CCNY: variants seen among roughly 807,000 people sequenced by gnomAD.
CCNY encodes cyclin-Y.
CCNY carries 19 observed loss-of-function variants against 42.8 expected under a neutral mutation model. The observed-to-expected ratio is 0.44, with a 90% CI of 0.31 to 0.65. CCNY has a LOEUF of 0.65. Among genes scored for constraint, CCNY ranks in the 30% least tolerant of loss-of-function variants. The pLI is 0.07. For missense variants in CCNY, 370 were observed against 437.3 expected (o/e 0.85, Z 1.37); for synonymous variants, 165 against 162.7 (o/e 1.01, Z -0.11).
intron 1 of CCNY, among the ~76,000 whole-genome samples, chr10:35,373,559 T>A (rs1169746440): frequency 3.3e-5 from 5 of 152,188 alleles, no homozygotes; most frequent in African/African-American, 4.8e-5. Flanking sequence ...ATGGATTTTC[T>A]TATGCCTCTG....
intron 1 of CCNY, among the ~76,000 whole-genome samples, chr10:35,362,905 G>A (rs140764988): frequency 1.6e-3 from 248 of 151,570 alleles, no homozygotes; most frequent in Middle Eastern, 0.014. Flanking sequence ...CCCAGATAGG[G>A]CGGCAGCCGG....
Position 35,251,589 on chromosome 10 carries a change from CT to C in CCNY, c.-9+980del, listed in dbSNP as rs34197441. Among the ~76,000 whole-genome samples the C allele has an allele frequency of 5.0e-3, 701 of 139,302 alleles. 4 individuals are homozygous for C. The highest frequency in any genetic ancestry group is 0.012 in the African/African-American group (460 of 37,862). The allele number at this position is 139,302 out of a possible 152,430, so 91.4% of individuals were successfully genotyped here. Reference sequence around the variant, plus strand: ...CCTAGCAAGCAATCCTTCAATGTCACTTTTTTTTTTTTTTTTTGAGACGGGA... The same window carrying C: ...CCTAGCAAGCAATCCTTCAATGTCACTTTTTTTTTTTTTTTTGAGACGGGA... On this transcript the variant is annotated intron_variant, in intron 3 of 11. Transcript: ENST00000374706.
intron 1 of CCNY, among the ~76,000 whole-genome samples, chr10:35,453,742 C>G (rs1331118094): frequency 6.6e-6 from 1 of 152,082 alleles, no homozygotes; most frequent in African/African-American, 2.4e-5. Context: ...TTTTTTAAGG[C>G]TCTTTGTATA....
At chr10:35,460,451 T>TATACAC (rs140077600) in intron 1 of CCNY, among the ~76,000 whole-genome samples, 2 of 150,754 alleles carry the variant, frequency 1.3e-5, no homozygotes, top group Non-Finnish European at 3.0e-5. Context: ...ATTGTATATG[T>TATACAC]ACACACACAC....
At chr10:35,287,707 T>C (rs1291900076) in intron 3 of CCNY, among the ~76,000 whole-genome samples, 1 of 152,236 alleles carries the variant, frequency 6.6e-6, no homozygotes, top group Non-Finnish European at 1.5e-5. Flanking sequence ...GTATTTAATA[T>C]GAATATACCA....
chr10:35,522,706 G>A (rs115928858), intron 4 of CCNY, among the ~76,000 whole-genome samples: 3,353 of 152,304 alleles, frequency 0.022, 117 homozygotes, highest in African/African-American at 0.076. Flanking sequence ...AACAGCACCC[G>A]AAGGATGATG....
At chr10:35,548,797 T>A (rs4934756) in intron 7 of CCNY, among the ~76,000 whole-genome samples, 43,838 of 151,468 alleles carry the variant, frequency 0.29, 6,671 homozygotes, top group Admixed American at 0.35. Flanking sequence ...ACCGAAAAAA[T>A]CTGCGTATTA....
intron 3 of CCNY, among the ~76,000 whole-genome samples, chr10:35,508,097 A>T (rs903350111): frequency 6.6e-6 from 1 of 152,074 alleles, no homozygotes; most frequent in Non-Finnish European, 1.5e-5. Flanking sequence ...CCACCCCCAG[A>T]TTTAGCATCT....
chr10:35,254,175 C>T (rs1238967436), intron 3 of CCNY, among the ~76,000 whole-genome samples: 2 of 152,150 alleles, frequency 1.3e-5, no homozygotes, highest in African/African-American at 4.8e-5. Context: ...CCGCGCCCGG[C>T]CTTGAGTGAC....
chr10:35,273,505 A>G (rs1835198805), intron 3 of CCNY, among the ~76,000 whole-genome samples: 1 of 151,576 alleles, frequency 6.6e-6, no homozygotes, highest in African/African-American at 2.4e-5. Context: ...GTGGCCGGCG[A>G]TCCTCCTCAT....
At position 35,380,607 on chromosome 10, in the gene CCNY, A is replaced by G. The variant is rs145048461; in HGVS notation, c.154+43400A>G. Among the ~76,000 whole-genome samples, 748 of 152,368 alleles carry G rather than the reference A, an allele frequency of 4.9e-3. 12 individuals carry two copies. The highest frequency in any genetic ancestry group is 0.035 in the Admixed American group (534 of 15,310). On this transcript the variant is annotated intron_variant, in intron 1 of 9. Transcript: ENST00000374704. ...GATATTGCCCAGGTACAACTATCAC[A>G]TATAGAGCACTTCACATGCTTTACT...
At chr10:35,510,893 C>T (rs1319483462) in intron 3 of CCNY, among the ~76,000 whole-genome samples, 2 of 152,180 alleles carry the variant, frequency 1.3e-5, no homozygotes, top group Admixed American at 6.5e-5. Flanking sequence ...GTAACTTGCC[C>T]ACATTTACAC....
intron 9 of CCNY, among the ~76,000 whole-genome samples, chr10:35,567,820 A>C (rs959116555): frequency 1.3e-5 from 2 of 152,242 alleles, no homozygotes; most frequent in African/African-American, 2.4e-5. Context: ...GAACTCAGCC[A>C]TGCCCCTGTG....
intron 1 of CCNY, among the ~76,000 whole-genome samples, chr10:35,386,903 T>G (rs1293124147): frequency 6.6e-6 from 1 of 152,106 alleles, no homozygotes; most frequent in Non-Finnish European, 1.5e-5. Flanking sequence ...CTGAAAGCGT[T>G]GGGAGTGAAA....
intron 1 of CCNY, among the ~76,000 whole-genome samples, chr10:35,406,433 C>A (rs373942947): frequency 6.6e-6 from 1 of 151,676 alleles, no homozygotes; most frequent in African/African-American, 2.4e-5. Context: ...TGATGACTCT[C>A]AACGAGCATG....
At chr10:35,519,786 T>TTC (rs1216948869) in intron 4 of CCNY, among the ~76,000 whole-genome samples, 58 of 134,980 alleles carry the variant, frequency 4.3e-4, no homozygotes, top group African/African-American at 1.6e-3. Context: ...CTTTTTTTTT[T>TTC]TTTTTTTTTT....
rs778323651 is a variant in CCNY at position 35,442,104 on chromosome 10, A to G, written c.155-41300A>G. Reference sequence around the variant, plus strand: ...AGCAATAGTGAAAGTGTACCTGGGTATAACACATGGGCTGGCTAGAAATGT... The same window carrying G: ...AGCAATAGTGAAAGTGTACCTGGGTGTAACACATGGGCTGGCTAGAAATGT... On this transcript the variant is annotated intron_variant, in intron 1 of 9. Transcript: ENST00000374704. Among the ~76,000 whole-genome samples, 5 of 152,370 alleles carry G rather than the reference A, an allele frequency of 3.3e-5. No individual in the cohort carries two copies. The South Asian group carries it at 8.3e-4, about 25-fold the overall frequency.
At chr10:35,286,283 A>G (rs1338491182) in intron 3 of CCNY, among the ~76,000 whole-genome samples, 1 of 149,140 alleles carries the variant, frequency 6.7e-6, no homozygotes, top group Admixed American at 6.7e-5. Context: ...CCTTCTTTTT[A>G]TTTATTTAGT....
At chr10:35,331,574 C>T (rs1174999956), upstream of CCNY, among the ~76,000 whole-genome samples, 1 of 152,180 alleles carries the variant, frequency 6.6e-6, no homozygotes, top group Non-Finnish European at 1.5e-5. Flanking sequence ...TACCCTCCCT[C>T]ACTCGTTCCC....
Sources: gnomAD v4.1 joint callset for allele counts (sites outside exome capture counted in the v4.1 genomes callset) on GRCh38, gnomAD v4.1.1 for gene constraint, MANE v1.5 for transcripts, NCBI Gene and HGNC (gene_info 2026-07-23, HGNC 2026-07-21) for gene names.